The following CPS1 variants were observed in gnomAD, a reference collection of about 807,000 sequenced individuals.
CPS1 encodes carbamoyl-phosphate synthase 1.
CPS1 carries 109 observed loss-of-function variants against 174.6 expected under a neutral mutation model. The observed-to-expected ratio is 0.62, with a 90% CI of 0.53 to 0.73. The LOEUF is 0.73. CPS1 is among the 30% of genes least tolerant of loss of function. CPS1 has a pLI of 0.00. For synonymous variants in CPS1, 637 were observed against 632.0 expected (o/e 1.01, Z -0.12); for missense variants, 1,689 against 1,821.9 (o/e 0.93, Z 1.33).
rs1037680537 is a variant in CPS1 at position 210,531,963 on chromosome 2, G to A, written c.4-24756G>A. Among the ~76,000 whole-genome samples, 17 of 152,082 alleles carry A rather than the reference G, an allele frequency of 1.1e-4. 1 individual carries two copies. Among genetic ancestry groups the A allele is most frequent in the African/African-American group, 2.9e-4 (12 of 41,412 alleles). ...AGCAGCTCAAGTTTCCCAGGTCAGC[G>A]AGAGTAAGATTTTCTGATTGGCTTA... On this transcript the variant is annotated intron_variant, in intron 1 of 38. Coordinates refer to the CPS1 transcript ENST00000430249.
intron 21 of CPS1, among the ~76,000 whole-genome samples, chr2:210,632,976 G>T (rs1463199644): frequency 6.6e-6 from 1 of 152,158 alleles, no homozygotes; most frequent in Non-Finnish European, 1.5e-5. Flanking sequence ...AGTTGAAGCA[G>T]TTTTTGGCTC....
At position 210,588,138 on chromosome 2, in the gene CPS1, G is replaced by A; in HGVS notation, c.702G>A (p.Leu234=). ...DCGIKNNVIR[L]LVKRGAEVHL... is the part of the protein sequence containing the mutation. ...GGATTAAAAACAATGTAATCCGCCT[G>A]CTAGTAAAGGTAAGTAATTTGTTCA... is the stretch of plus-strand genomic sequence containing the variant. The change falls in exon 7 of 38, where the codon CTG becomes CTA. Residue 234 remains leucine (L), a synonymous_variant. Coordinates refer to ENST00000233072, the MANE Select transcript of CPS1 (RefSeq NM_001875.5). The A allele has an allele frequency of 6.2e-7, 1 of 1,612,382 alleles. No individual in the cohort carries two copies. The highest frequency in any genetic ancestry group is 1.7e-4 in the Middle Eastern group (1 of 6,054).
chr2:210,495,688 G>C (rs1694975815), intron 1 of CPS1, among the ~76,000 whole-genome samples: 2 of 152,050 alleles, frequency 1.3e-5, no homozygotes, highest in South Asian at 4.1e-4. Flanking sequence ...ATCTACTCTG[G>C]AGAATATTCT....
intron 24 of CPS1, among the ~76,000 whole-genome samples, chr2:210,641,036 T>C (rs552453419): frequency 6.6e-6 from 1 of 152,168 alleles, no homozygotes; most frequent in African/African-American, 2.4e-5. Context: ...GCCTTAAACC[T>C]TGTGCCTCCT....
intron 7 of CPS1, among the ~76,000 whole-genome samples, chr2:210,589,733 C>A (rs764129504): frequency 6.6e-6 from 1 of 151,830 alleles, no homozygotes; most frequent in African/African-American, 2.4e-5. Flanking sequence ...GATCTTGGCT[C>A]GCTGGAACCT....
intron 1 of CPS1, among the ~76,000 whole-genome samples, chr2:210,531,103 A>G (rs1392616544): frequency 1.3e-5 from 2 of 152,120 alleles, no homozygotes; most frequent in Non-Finnish European, 2.9e-5. Context: ...AAAACTCTCC[A>G]GGACGTGACT....
In CPS1 at chr2:210,648,589, T is replaced by C. The variant is rs754290564; in HGVS notation, c.3404+49T>C. Reference sequence around the variant, plus strand: ...AAACAATGATTCAAAAATTGGGAGATACAGAAATGCATGCTGTATGCTAAT... The same window carrying C: ...AAACAATGATTCAAAAATTGGGAGACACAGAAATGCATGCTGTATGCTAAT... On this transcript the variant is annotated intron_variant, in intron 27 of 37. Transcript: ENST00000233072. 8 of 1,413,132 alleles carry C rather than the reference T, an allele frequency of 5.7e-6. No homozygotes were observed. The Admixed American group carries it at 8.4e-5, about 15-fold the overall frequency. 87.5% of individuals were successfully genotyped at this position (1,413,132 alleles called of 1,614,324 possible). A position where few individuals can be genotyped will look rare whatever the true frequency, so the allele number is the denominator to read the frequency against.
At chr2:210,504,022 G>A (rs1326939169) in intron 1 of CPS1, among the ~76,000 whole-genome samples, 1 of 152,056 alleles carries the variant, frequency 6.6e-6, no homozygotes, top group African/African-American at 2.4e-5. Context: ...GATGTGTTGT[G>A]ATTTTTTTTT....
chr2:210,640,501 T>C (rs997351688), intron 24 of CPS1, among the ~76,000 whole-genome samples: 1 of 152,200 alleles, frequency 6.6e-6, no homozygotes, highest in African/African-American at 2.4e-5. Flanking sequence ...TTACCTCAAA[T>C]GCAAAAATCT....
At chr2:210,511,521 T>G (rs549440615) in intron 1 of CPS1, among the ~76,000 whole-genome samples, 2 of 132,014 alleles carry the variant, frequency 1.5e-5, no homozygotes, top group Non-Finnish European at 3.6e-5. Flanking sequence ...ACCCTCAAAC[T>G]TAAATTATAA....
chr2:210,596,398 A>G (rs1698483222), intron 13 of CPS1, among the ~76,000 whole-genome samples: 1 of 152,034 alleles, frequency 6.6e-6, no homozygotes, highest in Non-Finnish European at 1.5e-5. Context: ...GAGTCAGCAT[A>G]GAATGGCAAC....
intron 3 of CPS1, 71 bp from the exon 4 acceptor site, chr2:210,577,350 T>C (rs1479699509): frequency 8.2e-7 from 1 of 1,226,284 alleles, no homozygotes; most frequent in South Asian, 1.2e-5. Flanking sequence ...TAAAAACAAA[T>C]GCAAATTGAC....
At chr2:210,659,902 ATTG>A (rs1310156708) in intron 31 of CPS1, among the ~76,000 whole-genome samples, 1 of 152,212 alleles carries the variant, frequency 6.6e-6, no homozygotes, top group African/African-American at 2.4e-5. Flanking sequence ...TAGATTTTGT[ATTG>A]TGAACTGGAT....
intron 6 of CPS1, among the ~76,000 whole-genome samples, chr2:210,587,606 T>C (rs1698150553): frequency 6.6e-6 from 1 of 152,074 alleles, no homozygotes; most frequent in South Asian, 2.1e-4. Flanking sequence ...AGAAGCCTTA[T>C]GTACAGTAAT....
rs1697439412 is a variant in CPS1 at position 210,570,492 on chromosome 2, T to C, written c.127-2806T>C. Among the ~76,000 whole-genome samples the C allele has an allele frequency of 1.3e-5, 2 of 151,862 alleles. 1 individual carries two copies. Among genetic ancestry groups the C allele is most frequent in the Admixed American group, 1.3e-4 (2 of 15,220 alleles). On this transcript the variant is annotated intron_variant, in intron 1 of 37. Coordinates refer to ENST00000233072, the MANE Select transcript of CPS1 (RefSeq NM_001875.5). ...GTGTCTAACCCAGATATGGGATAAT[T>C]TGAAATTCTCAGATGAGAAAAGAGA...
At chr2:210,674,484 C>CAAAAAAAAAAAAAAA (rs771522432) in intron 34 of CPS1, 1 of 74,804 alleles carries the variant, frequency 1.3e-5, no homozygotes. Flanking sequence ...AAAAAAAAAC[C>CAAAAAAAAAAAAAAA]AAAAAAAAAA....
intron 16 of CPS1, 56 bp downstream of exon 16, chr2:210,602,386 C>CT (rs1698758766): frequency 6.3e-7 from 1 of 1,587,740 alleles, no homozygotes. Context: ...CTTGATAGAC[C>CT]TTTTCAACTA....
intron 1 of CPS1, among the ~76,000 whole-genome samples, chr2:210,534,581 C>A: frequency 6.6e-6 from 1 of 152,108 alleles, no homozygotes; most frequent in African/African-American, 2.4e-5. Context: ...GAAGAGGTCT[C>A]AGTGAATCTA....
chr2:210,560,754 A>T (rs569917786), intron 1 of CPS1, among the ~76,000 whole-genome samples: 2 of 152,326 alleles, frequency 1.3e-5, no homozygotes, highest in East Asian at 3.9e-4. Context: ...TAATTTACTT[A>T]CATTGTAGTA....
Sources: allele counts gnomAD v4.1 joint callset (sites outside exome capture counted in the v4.1 genomes callset), GRCh38; gene constraint gnomAD v4.1.1; transcripts MANE v1.5; gene names NCBI Gene and HGNC (gene_info 2026-07-23, HGNC 2026-07-21).